Variants in GALNTL6 observed in about 807,000 individuals in gnomAD.
The protein encoded by GALNTL6 is polypeptide N-acetylgalactosaminyltransferase-like 6.
GALNTL6 carries 46 observed loss-of-function variants against 73.7 expected under a neutral mutation model. The observed-to-expected ratio is 0.62, with a 90% CI of 0.49 to 0.80. The LOEUF is 0.80. Among genes scored for constraint, GALNTL6 ranks in the 30% least tolerant of loss-of-function variants. GALNTL6 has a pLI of 0.00. For missense variants in GALNTL6, 604 were observed against 755.0 expected (o/e 0.80, Z 2.34); for synonymous variants, 259 against 263.7 (o/e 0.98, Z 0.17).
At chr4:172,309,449 C>T (rs1336341335) in intron 3 of GALNTL6, among the ~76,000 whole-genome samples, 1 of 151,656 alleles carries the variant, frequency 6.6e-6, no homozygotes, top group Non-Finnish European at 1.5e-5. Flanking sequence ...TGAATAAAGA[C>T]CTTGTTTTAA....
At position 171,908,251 on chromosome 4, in the gene GALNTL6, C is replaced by A. The variant is rs1263098922; in HGVS notation, c.138+93533C>A. ...AAATTTTCACAAACTACTCATCTGA[C>A]AAAGGGCTAATATCCAGAATCTATA... On this transcript the variant is annotated intron_variant, in intron 2 of 12. Transcript: ENST00000506823. Among the ~76,000 whole-genome samples the A allele has an allele frequency of 2.6e-5, 4 of 151,992 alleles. No individual in the cohort carries two copies. The East Asian group carries it at 7.7e-4, about 29-fold the overall frequency.
At chr4:172,628,827 C>A (rs1739271955) in intron 5 of GALNTL6, among the ~76,000 whole-genome samples, 1 of 151,876 alleles carries the variant, frequency 6.6e-6, no homozygotes, top group African/African-American at 2.4e-5. Context: ...TTTATATTTT[C>A]CTAAGAAGAA....
Position 172,480,782 on chromosome 4 carries a change from C to G in GALNTL6, c.553+132093C>G, listed in dbSNP as rs187988767. On this transcript the variant is annotated intron_variant, in intron 5 of 12. Coordinates refer to ENST00000506823, the MANE Select transcript of GALNTL6 (RefSeq NM_001034845.3). The stretch of plus-strand genomic sequence containing the variant: ...AACTTGCTGAGTTGGTTGACTCTAT[C>G]ACATGTTCTGGGAGACTGGCTAGCT... Among the ~76,000 whole-genome samples the G allele has an allele frequency of 7.8e-4, 119 of 152,280 alleles. 2 individuals carry two copies. The South Asian group carries it at 0.016, about 21-fold the overall frequency.
intron 7 of GALNTL6, among the ~76,000 whole-genome samples, chr4:172,881,273 G>A (rs1220571575): frequency 6.6e-6 from 1 of 152,158 alleles, no homozygotes; most frequent in Non-Finnish European, 1.5e-5. Context: ...AATGGGAAAA[G>A]ATCAGGCTGC....
intron 2 of GALNTL6, among the ~76,000 whole-genome samples, chr4:171,831,085 C>T (rs1348454398): frequency 2.6e-5 from 4 of 152,112 alleles, no homozygotes; most frequent in East Asian, 1.9e-4. Context: ...TTTCAAGGGG[C>T]TTATTTTAAT....
chr4:172,428,742 A>C (rs1346526441), intron 5 of GALNTL6, among the ~76,000 whole-genome samples: 2 of 152,232 alleles, frequency 1.3e-5, no homozygotes, highest in African/African-American at 4.8e-5. Context: ...AGATAGAACC[A>C]AAGAATCAAA....
rs538300906 is a variant in GALNTL6, at chr4:172,432,981, A to C, written c.553+84292A>C. ...TTGAGTCAACAAAGACAGTATAATGACAATAGAGTTTGCTGTTCCTTGTAT... is the reference window on the plus strand; with the variant it reads ...TTGAGTCAACAAAGACAGTATAATGCCAATAGAGTTTGCTGTTCCTTGTAT... On this transcript the variant is annotated intron_variant, in intron 5 of 12. Transcript: ENST00000506823. Among the ~76,000 whole-genome samples, 30 of 152,316 alleles carry C rather than the reference A, an allele frequency of 2.0e-4. No homozygotes were observed. In the East Asian group the frequency reaches 5.8e-3, roughly 29 times the overall value.
At position 172,959,473 on chromosome 4, in the gene GALNTL6, G is replaced by A. The variant is rs536956439; in HGVS notation, c.1371+7215G>A. 2.1e-3 allele frequency among the ~76,000 whole-genome samples: 314 copies of A among 152,156 alleles called. 2 individuals are homozygous for A. Among genetic ancestry groups the A allele is most frequent in the African/African-American group, 7.1e-3 (295 of 41,518 alleles). On this transcript the variant is annotated intron_variant, in intron 10 of 12. Coordinates refer to ENST00000506823, the MANE Select transcript of GALNTL6 (RefSeq NM_001034845.3). ...CGTCAATACCTACAACAGTTATGGA[G>A]GCAAGGGAAACAGGCCCTTGAAAAG...
At chr4:172,548,528 A>G (rs1735852126) in intron 5 of GALNTL6, among the ~76,000 whole-genome samples, 1 of 152,234 alleles carries the variant, frequency 6.6e-6, no homozygotes, top group Admixed American at 6.5e-5. Context: ...TAAACATTAG[A>G]GCAATCTAAA....
Position 172,978,015 on chromosome 4 carries a change from A to G in GALNTL6, c.1371+25757A>G, listed in dbSNP as rs573660917. ...CCACCACACCCAGCTAATTTTTGGTATTTTTAGTAGAGATGGGATTTCACC... is the reference window on the plus strand; with the variant it reads ...CCACCACACCCAGCTAATTTTTGGTGTTTTTAGTAGAGATGGGATTTCACC... On this transcript the variant is annotated intron_variant, in intron 10 of 12. Coordinates refer to ENST00000506823, the MANE Select transcript of GALNTL6 (RefSeq NM_001034845.3). Among the ~76,000 whole-genome samples the G allele has an allele frequency of 6.6e-5, 10 of 152,086 alleles. No homozygotes were observed. In the East Asian group the frequency reaches 1.7e-3, roughly 26 times the overall value.
At chr4:172,758,524 A>T (rs1166862670) in intron 5 of GALNTL6, among the ~76,000 whole-genome samples, 19 of 152,218 alleles carry the variant, frequency 1.2e-4, no homozygotes, top group Non-Finnish European at 2.6e-4. Flanking sequence ...TGACAGAGTG[A>T]GACTGTGTCT....
intron 2 of GALNTL6, among the ~76,000 whole-genome samples, chr4:172,133,556 G>C (rs1224258152): frequency 6.6e-6 from 1 of 152,216 alleles, no homozygotes; most frequent in Non-Finnish European, 1.5e-5. Context: ...TCTTGGGTTT[G>C]TGTTGAAACT....
intron 5 of GALNTL6, among the ~76,000 whole-genome samples, chr4:172,698,679 G>A (rs917387436): frequency 6.6e-6 from 1 of 152,156 alleles, no homozygotes; most frequent in Non-Finnish European, 1.5e-5. Context: ...GATGGAGATG[G>A]GGAATGGGAG....
chr4:172,327,794 TCAGATGGGTCTTTTGAAGA>T (rs1740994120), intron 4 of GALNTL6, among the ~76,000 whole-genome samples: 1 of 152,190 alleles, frequency 6.6e-6, no homozygotes, highest in African/African-American at 2.4e-5. Context: ...TCATTGCATG[TCAGATGGGTCTTTTGAAGA>T]CAGCATATCA....
At chr4:172,820,346 T>A (rs1741853477) in intron 7 of GALNTL6, among the ~76,000 whole-genome samples, 1 of 152,238 alleles carries the variant, frequency 6.6e-6, no homozygotes, top group African/African-American at 2.4e-5. Flanking sequence ...GCATCCCACT[T>A]GGGTTAAATT....
At chr4:172,856,254 T>G (rs1744116698) in intron 7 of GALNTL6, among the ~76,000 whole-genome samples, 1 of 152,160 alleles carries the variant, frequency 6.6e-6, no homozygotes, top group Admixed American at 6.6e-5. Flanking sequence ...ACAACTCACA[T>G]CTGAAATTAA....
At chr4:172,051,244 G>T (rs1384435648) in intron 2 of GALNTL6, among the ~76,000 whole-genome samples, 3 of 152,144 alleles carry the variant, frequency 2.0e-5, no homozygotes, top group African/African-American at 7.2e-5. Context: ...CCATCCCCAT[G>T]GTAACATGTA....
chr4:172,568,764 A>AC (rs1211554598), intron 5 of GALNTL6, among the ~76,000 whole-genome samples: 3 of 149,940 alleles, frequency 2.0e-5, no homozygotes, highest in South Asian at 2.1e-4. Context: ...TCTCAAAAAA[A>AC]AAAAAAAAAA....
intron 3 of GALNTL6, among the ~76,000 whole-genome samples, chr4:172,258,234 T>A (rs1738148497): frequency 6.6e-6 from 1 of 151,346 alleles, no homozygotes; most frequent in African/African-American, 2.4e-5. Flanking sequence ...TGATGCCAAA[T>A]GCAAAATGTG....
Sources: gnomAD v4.1 joint callset for allele counts (sites outside exome capture counted in the v4.1 genomes callset) on GRCh38, gnomAD v4.1.1 for gene constraint, MANE v1.5 for transcripts, NCBI Gene and HGNC (gene_info 2026-07-23, HGNC 2026-07-21) for gene names.